Variants in SLCO1B3 observed in about 807,000 individuals in gnomAD.
SLCO1B3 encodes solute carrier organic anion transporter family member 1B3, also known as liver-specific organic anion transporter 2.
SLCO1B3 carries 72 observed loss-of-function variants against 71.8 expected under a neutral mutation model. The ratio of observed to expected loss-of-function variants is 1.00; its 90% CI spans 0.83 to 1.22. The LOEUF (loss-of-function observed/expected upper bound fraction) is 1.22, where lower values mean the gene tolerates loss of function less well. SLCO1B3 is among the 50% of genes most tolerant of loss of function. The pLI is 0.00. For missense variants in SLCO1B3, 911 were observed against 819.7 expected (o/e 1.11, Z -1.36); for synonymous variants, 298 against 278.4 (o/e 1.07, Z -0.70).
intron 11 of SLCO1B3, among the ~76,000 whole-genome samples, chr12:20,880,189 A>G (rs1865662282): frequency 6.6e-6 from 1 of 151,332 alleles, no homozygotes; most frequent in Non-Finnish European, 1.5e-5. Context: ...ATAATATAAA[A>G]TTATATCTTA....
intron 8 of SLCO1B3, among the ~76,000 whole-genome samples, chr12:20,864,948 CAT>C (rs941282601): frequency 1.3e-5 from 2 of 152,110 alleles, no homozygotes; most frequent in African/African-American, 4.8e-5. Context: ...CACTAAAACT[CAT>C]GTGCTCCCCA....
intron 8 of SLCO1B3, among the ~76,000 whole-genome samples, chr12:20,866,301 C>A (rs868149293): frequency 6.6e-6 from 1 of 151,978 alleles, no homozygotes; most frequent in Non-Finnish European, 1.5e-5. Flanking sequence ...AAACAAAAAC[C>A]CACACACAGA....
chr12:20,884,830 G>A (rs1165643382), intron 13 of SLCO1B3, among the ~76,000 whole-genome samples: 2 of 150,786 alleles, frequency 1.3e-5, no homozygotes, highest in African/African-American at 4.9e-5. Context: ...ATATAAACCT[G>A]TAAACTAAGT....
chr12:20,859,892 G>T (rs927852611), intron 5 of SLCO1B3, among the ~76,000 whole-genome samples: 1 of 149,420 alleles, frequency 6.7e-6, no homozygotes, highest in Admixed American at 6.7e-5. Flanking sequence ...CATTTAATCT[G>T]TCCTTCACAT....
At chr12:20,912,668 C>T (rs1866409039) in intron 15 of SLCO1B3, among the ~76,000 whole-genome samples, 1 of 151,686 alleles carries the variant, frequency 6.6e-6, no homozygotes, top group Non-Finnish European at 1.5e-5. Flanking sequence ...GGATTACAGG[C>T]CTGCACCCCC....
intron 3 of SLCO1B3, among the ~76,000 whole-genome samples, chr12:20,835,213 A>C (rs1289994818): frequency 1.3e-5 from 2 of 152,204 alleles, no homozygotes; most frequent in East Asian, 3.9e-4. Context: ...GACCAGGCTC[A>C]GGAAACCATT....
At chr12:20,912,564 C>T (rs1866405976) in intron 15 of SLCO1B3, among the ~76,000 whole-genome samples, 1 of 149,032 alleles carries the variant, frequency 6.7e-6, no homozygotes, top group African/African-American at 2.5e-5. Flanking sequence ...ACTGCTGTCG[C>T]CCAGGCTGGA....
At chr12:20,885,426 A>G (rs180929730) in intron 13 of SLCO1B3, among the ~76,000 whole-genome samples, 63 of 152,238 alleles carry the variant, frequency 4.1e-4, no homozygotes, top group African/African-American at 1.5e-3. Context: ...CAGTGGGGAT[A>G]GGGTACAGGG....
intron 3 of SLCO1B3, among the ~76,000 whole-genome samples, chr12:20,822,810 C>CT (rs1284974849): frequency 6.6e-6 from 1 of 152,168 alleles, no homozygotes; most frequent in Non-Finnish European, 1.5e-5. Context: ...GGAAGGGCAT[C>CT]TTTTTGCAGA....
intron 3 of SLCO1B3, among the ~76,000 whole-genome samples, chr12:20,825,045 A>C (rs1864391234): frequency 6.6e-6 from 1 of 152,168 alleles, no homozygotes; most frequent in African/African-American, 2.4e-5. Context: ...CATGAGGCCA[A>C]TTAAATCTGT....
intron 3 of SLCO1B3, among the ~76,000 whole-genome samples, chr12:20,824,179 G>A (rs559044341): frequency 5.3e-5 from 8 of 152,276 alleles, no homozygotes; most frequent in African/African-American, 1.9e-4. Context: ...TGTTAAAGCT[G>A]TAAATAGCTT....
rs779744273 is a variant in SLCO1B3 at position 20,855,016 on chromosome 12, T to C, written c.85-12T>C. On this transcript the variant is annotated splice_polypyrimidine_tract_variant and intron_variant, in intron 3 of 15. Coordinates refer to ENST00000381545, the MANE Select transcript of SLCO1B3 (RefSeq NM_019844.4). The stretch of plus-strand genomic sequence containing the variant: ...ATTAACCAATTTTCATTTTTTCTTC[T>C]ATTGTTTTTAGATGTTCTTGGCAGC... The C allele has an allele frequency of 1.9e-6, 3 of 1,606,066 alleles. No individual in the cohort carries two copies. Among genetic ancestry groups the C allele is most frequent in the African/African-American group, 2.7e-5 (2 of 74,286 alleles).
In SLCO1B3 at chr12:20,887,159, C is replaced by T. The variant is rs146974258; in HGVS notation, c.1682+3557C>T. 2.0e-3 allele frequency among the ~76,000 whole-genome samples: 308 copies of T among 152,092 alleles called. 1 individual carries two copies. Among genetic ancestry groups the T allele is most frequent in the Middle Eastern group, 6.8e-3 (2 of 294 alleles). On this transcript the variant is annotated intron_variant, in intron 13 of 15. Coordinates refer to ENST00000381545, the MANE Select transcript of SLCO1B3 (RefSeq NM_019844.4). ...AGTGATTCCATGACTTTGCTTTTGT[C>T]ACTAGTGCTGTAGATAAGCATACAA...
intron 3 of SLCO1B3, among the ~76,000 whole-genome samples, chr12:20,828,104 T>G (rs1864465101): frequency 6.6e-6 from 1 of 152,130 alleles, no homozygotes; most frequent in Non-Finnish European, 1.5e-5. Context: ...AGTCTCTATC[T>G]TTTAATTGGA....
chr12:20,820,769 G>C (rs953976911), intron 3 of SLCO1B3, among the ~76,000 whole-genome samples: 1 of 147,992 alleles, frequency 6.8e-6, no homozygotes, highest in African/African-American at 2.5e-5. Context: ...AAGCATCTCA[G>C]GGTTGCTGCC....
rs960980217 is a variant in SLCO1B3, at chr12:20,843,299, A to G, written c.85-11729A>G. Among the ~76,000 whole-genome samples, 26 of 152,162 alleles carry G rather than the reference A, an allele frequency of 1.7e-4. 1 individual carries two copies. Among genetic ancestry groups the G allele is most frequent in the Non-Finnish European group, 2.9e-5 (2 of 68,030 alleles). On this transcript the variant is annotated intron_variant, in intron 3 of 15. Coordinates refer to ENST00000381545, the MANE Select transcript of SLCO1B3 (RefSeq NM_019844.4). Reference sequence around the variant, plus strand: ...GTGTTTTATTCACCTTGTTTTACAAATCTCACACAATATCTTCAGTATTTG... The same window carrying G: ...GTGTTTTATTCACCTTGTTTTACAAGTCTCACACAATATCTTCAGTATTTG...
chr12:20,866,235 C>T (rs1379641127), intron 8 of SLCO1B3, among the ~76,000 whole-genome samples: 1 of 152,056 alleles, frequency 6.6e-6, no homozygotes, highest in Non-Finnish European at 1.5e-5. Flanking sequence ...ATGAGCTCTG[C>T]AGCTGGCCAC....
At chr12:20,858,628 G>T in intron 5 of SLCO1B3, 57 bp downstream of exon 5, 2 of 1,506,490 alleles carry the variant, frequency 1.3e-6, no homozygotes, top group South Asian at 1.2e-5. Flanking sequence ...ATTAGCAGTA[G>T]AATTTTATTT....
At chr12:20,816,281 G>A (rs929944763) in intron 3 of SLCO1B3, among the ~76,000 whole-genome samples, 5 of 152,102 alleles carry the variant, frequency 3.3e-5, no homozygotes, top group African/African-American at 4.8e-5. Context: ...CTATCAAATA[G>A]TAGGTCTTAT....
Sources: allele counts gnomAD v4.1 joint callset (sites outside exome capture counted in the v4.1 genomes callset), GRCh38; gene constraint gnomAD v4.1.1; transcripts MANE v1.5; gene names NCBI Gene and HGNC (gene_info 2026-07-23, HGNC 2026-07-21).